CERT1: variants seen among roughly 807,000 people sequenced by gnomAD.
The protein encoded by CERT1 is ceramide transfer protein.
In CERT1, 31 loss-of-function variants were observed where a neutral mutation model predicts 87.9. The observed-to-expected ratio is 0.35, with a 90% CI of 0.27 to 0.48. The LOEUF (loss-of-function observed/expected upper bound fraction) is 0.48. Ranked by LOEUF, CERT1 falls within the 20% of genes least tolerant of loss-of-function variation. CERT1 has a pLI of 0.99. For missense variants in CERT1, 487 were observed against 758.0 expected (o/e 0.64, Z 4.20); for synonymous variants, 289 against 250.9 (o/e 1.15, Z -1.44).
intron 3 of CERT1, among the ~76,000 whole-genome samples, chr5:75,427,981 A>T (rs1019869109): frequency 3.3e-5 from 5 of 152,308 alleles, no homozygotes; most frequent in South Asian, 4.1e-4. Flanking sequence ...TTTCAAGATT[A>T]ATATTAGGAA....
intron 2 of CERT1, among the ~76,000 whole-genome samples, chr5:75,491,302 C>T (rs1445620308): frequency 6.6e-6 from 1 of 152,058 alleles, no homozygotes; most frequent in Non-Finnish European, 1.5e-5. Context: ...TTTTTTCTTG[C>T]AGGTCTTTAA....
At chr5:75,406,329 T>C (rs1762704658) in intron 8 of CERT1, among the ~76,000 whole-genome samples, 1 of 152,248 alleles carries the variant, frequency 6.6e-6, no homozygotes, top group South Asian at 2.1e-4. Context: ...TAAGAGGTTC[T>C]TTCCTCCTAA....
chr5:75,372,280 C>G (rs754101770), intron 17 of CERT1: 5 of 152,244 alleles, frequency 3.3e-5, no homozygotes, highest in South Asian at 4.1e-4. Flanking sequence ...TTTGAAGATT[C>G]TTATCAGCGG....
chr5:75,443,779 T>C (rs981136095), intron 3 of CERT1, among the ~76,000 whole-genome samples: 6 of 152,220 alleles, frequency 3.9e-5, no homozygotes, highest in East Asian at 1.9e-4. Flanking sequence ...GAACTGTCTA[T>C]TTCTCCTTTC....
chr5:75,442,602 T>G (rs958552288), intron 3 of CERT1, among the ~76,000 whole-genome samples: 1 of 152,206 alleles, frequency 6.6e-6, no homozygotes, highest in African/African-American at 2.4e-5. Flanking sequence ...GGGCATAAAA[T>G]TTTTCATAAT....
intron 3 of CERT1, among the ~76,000 whole-genome samples, chr5:75,453,156 A>G (rs2112287764): frequency 6.6e-6 from 1 of 152,322 alleles, no homozygotes; most frequent in South Asian, 2.1e-4. Flanking sequence ...AATGGATGCC[A>G]AGGAGGGCAA....
intron 1 of CERT1, among the ~76,000 whole-genome samples, chr5:75,509,424 A>C (rs546217584): frequency 1.3e-5 from 2 of 152,340 alleles, no homozygotes; most frequent in South Asian, 4.1e-4. Flanking sequence ...TTTCCTTCAT[A>C]GCTTTGAGCA....
intron 17 of CERT1, chr5:75,371,959 T>C (rs975711004): frequency 6.6e-6 from 1 of 152,224 alleles, no homozygotes; most frequent in Admixed American, 6.5e-5. Flanking sequence ...TTTCTCAATC[T>C]GATTGGGTGG....
chr5:75,433,296 T>C (rs1280136879), intron 3 of CERT1, among the ~76,000 whole-genome samples: 1 of 152,254 alleles, frequency 6.6e-6, no homozygotes, highest in African/African-American at 2.4e-5. Flanking sequence ...ACAGCAGTTT[T>C]AACAATATTG....
At chr5:75,435,551 T>C (rs945732456) in intron 3 of CERT1, among the ~76,000 whole-genome samples, 3 of 152,232 alleles carry the variant, frequency 2.0e-5, no homozygotes, top group African/African-American at 7.2e-5. Flanking sequence ...CTCTGTGGGC[T>C]GGTGTTCCTT....
chr5:75,385,942 G>A lies in CERT1; in HGVS notation c.1377C>T (p.Cys459=). The A allele has an allele frequency of 6.3e-7, 1 of 1,575,198 alleles. No homozygotes were observed. The highest frequency in any genetic ancestry group is 8.6e-7 in the Non-Finnish European group (1 of 1,161,784). The change falls in exon 13 of 17, where the codon TGC becomes TGT. Residue 459 remains cysteine (C), a synonymous_variant. Coordinates refer to ENST00000643780, the MANE Select transcript of CERT1 (RefSeq NM_001379029.1). ...GAACGTCAACATTCCAGAAATAATTGCAGACTTCATGTCCTGTGACGCCTT... is the reference window on the plus strand; with the variant it reads ...GAACGTCAACATTCCAGAAATAATTACAGACTTCATGTCCTGTGACGCCTT... ...AVKGVTGHEV[C]NYFWNVDVRN... is the part of the protein sequence containing the mutation.
intron 11 of CERT1, among the ~76,000 whole-genome samples, chr5:75,391,223 T>C (rs1186332850): frequency 1.3e-5 from 2 of 152,110 alleles, no homozygotes; most frequent in East Asian, 1.9e-4. Context: ...TCATTAATGG[T>C]TTTAAAAAAG....
chr5:75,399,272 A>G (rs1458397489), intron 11 of CERT1, 38 bp downstream of exon 11: 3 of 1,452,036 alleles, frequency 2.1e-6, no homozygotes, highest in Non-Finnish European at 1.9e-6. Context: ...AATATAGCAC[A>G]GAAAGACTCA....
chr5:75,435,327 C>T (rs1018396730), intron 3 of CERT1, among the ~76,000 whole-genome samples: 2 of 152,168 alleles, frequency 1.3e-5, no homozygotes, highest in Non-Finnish European at 2.9e-5. Context: ...TCTTTCAACC[C>T]TTGGACTGTT....
intron 2 of CERT1, among the ~76,000 whole-genome samples, chr5:75,478,091 T>A (rs1766054893): frequency 6.6e-6 from 1 of 152,146 alleles, no homozygotes; most frequent in Non-Finnish European, 1.5e-5. Context: ...GGCGGGCAGA[T>A]CACCTGAAGT....
At chr5:75,474,706 C>T (rs968083105) in intron 2 of CERT1, among the ~76,000 whole-genome samples, 1 of 152,010 alleles carries the variant, frequency 6.6e-6, no homozygotes, top group Non-Finnish European at 1.5e-5. Context: ...AAATTAAATG[C>T]TTACTTCTCA....
intron 7 of CERT1, among the ~76,000 whole-genome samples, chr5:75,412,414 C>G (rs76203570): frequency 0.012 from 1,798 of 152,262 alleles, 35 homozygotes; most frequent in African/African-American, 0.042. Context: ...CTCTGAAGAG[C>G]GTGATCATCA....
chr5:75,397,818 A>G (rs1762317607), intron 11 of CERT1, among the ~76,000 whole-genome samples: 1 of 152,156 alleles, frequency 6.6e-6, no homozygotes, highest in African/African-American at 2.4e-5. Context: ...CAGGAGTGCT[A>G]GACCAGCCTG....
At chr5:75,369,594 C>A (rs1169044142) in intron 17 of CERT1, 1 of 151,982 alleles carries the variant, frequency 6.6e-6, no homozygotes, top group Non-Finnish European at 1.5e-5. Context: ...AGGGGTGGTA[C>A]CACCAATCAC....
Sources: gnomAD v4.1 joint callset for allele counts (sites outside exome capture counted in the v4.1 genomes callset) on GRCh38, gnomAD v4.1.1 for gene constraint, MANE v1.5 for transcripts, NCBI Gene and HGNC (gene_info 2026-07-23, HGNC 2026-07-21) for gene names.